ANK1: variants seen among roughly 807,000 people sequenced by gnomAD.
The protein encoded by ANK1 is ankyrin 1, also known as ankyrin-1.
In ANK1, 51 loss-of-function variants were observed where a neutral mutation model predicts 210.4. The ratio of observed to expected loss-of-function variants is 0.24; its 90% confidence interval spans 0.19 to 0.31. The LOEUF (loss-of-function observed/expected upper bound fraction) is 0.31, where lower values mean the gene tolerates loss of function less well. ANK1 is among the 10% of genes least tolerant of loss of function. The probability of loss-of-function intolerance (pLI) is 1.00; values close to 1 mark genes in which losing one functional copy is unlikely to be tolerated. For synonymous variants in ANK1, 967 were observed against 1,025.9 expected, an observed-to-expected ratio of 0.94 and a Z score of 1.10; for missense variants, 2,051 against 2,504.4, an observed-to-expected ratio of 0.82 and a Z score of 3.86.
chr8:41,730,195 C>G (rs1563593925), intron 3 of ANK1, among the ~76,000 whole-genome samples: 1 of 152,270 alleles, frequency 6.6e-6, no homozygotes, highest in East Asian at 1.9e-4. Flanking sequence ...AGCCGTGTGG[C>G]CCCCCAGCCG....
chr8:41,845,315 G>A (rs1809808625), intron 1 of ANK1, among the ~76,000 whole-genome samples: 1 of 151,874 alleles, frequency 6.6e-6, no homozygotes, highest in Admixed American at 6.6e-5. Flanking sequence ...AACCCACCTG[G>A]GAGGCAGAGG....
chr8:41,773,414 G>C (rs3886945), intron 1 of ANK1, among the ~76,000 whole-genome samples: 6 of 151,838 alleles, frequency 4.0e-5, no homozygotes, highest in Admixed American at 2.0e-4. Flanking sequence ...GGGAGGGAAG[G>C]GGGGAGGCAC....
At chr8:41,852,169 G>T (rs1236351970) in intron 1 of ANK1, among the ~76,000 whole-genome samples, 1 of 152,204 alleles carries the variant, frequency 6.6e-6, no homozygotes, top group Non-Finnish European at 1.5e-5. Context: ...GGGGTTCTGG[G>T]CCTTGGAGGG....
intron 1 of ANK1, among the ~76,000 whole-genome samples, chr8:41,809,266 G>T: frequency 6.6e-6 from 1 of 151,974 alleles, no homozygotes; most frequent in East Asian, 1.9e-4. Flanking sequence ...ATCCTTTGAG[G>T]ATCTGTAAAA....
At chr8:41,776,156 T>C (rs1418923502) in intron 1 of ANK1, among the ~76,000 whole-genome samples, 1 of 152,076 alleles carries the variant, frequency 6.6e-6, no homozygotes, top group East Asian at 1.9e-4. Flanking sequence ...TAAGGTATTT[T>C]TAGGGTAGAG....
chr8:41,735,878 C>T (rs779005043), intron 2 of ANK1, among the ~76,000 whole-genome samples: 3 of 152,294 alleles, frequency 2.0e-5, no homozygotes, highest in African/African-American at 4.8e-5. Flanking sequence ...GCAAAGGGAA[C>T]ATTACCTACC....
At chr8:41,844,263 A>G (rs565358383) in intron 1 of ANK1, among the ~76,000 whole-genome samples, 8 of 152,316 alleles carry the variant, frequency 5.3e-5, no homozygotes, top group Admixed American at 3.9e-4. Flanking sequence ...GGGGAAGTCT[A>G]TAGATGAACC....
In ANK1 at chr8:41,853,363, A is replaced by G. The variant is rs1811612231; in HGVS notation, c.126+42992T>C. ...TGAAATAAACTTTCAGAATTTCTGC[A>G]TCGCAAAGGCAAAAGAAGGAGGGAA... is the stretch of plus-strand genomic sequence containing the variant. On this transcript the variant is annotated intron_variant, in intron 1 of 42. Transcript: ENST00000265709. Among the ~76,000 whole-genome samples the G allele has an allele frequency of 3.9e-5, 6 of 152,248 alleles. No individual in the cohort carries two copies. The South Asian group carries it at 1.2e-3, about 31-fold the overall frequency.
In ANK1 at chr8:41,690,402, G is replaced by A; in HGVS notation, c.3985-56C>T. On this transcript the variant is annotated intron_variant, in intron 32 of 42. Transcript: ENST00000289734. The stretch of plus-strand genomic sequence containing the variant: ...GGGCCCTTTTCTAGGCCACCCGGCT[G>A]TCTGGTTTAGGGAATTCTGCCTCCC... The A allele has an allele frequency of 2.5e-6, 4 of 1,614,238 alleles. No homozygotes were observed. In the South Asian group the frequency reaches 3.3e-5, roughly 13 times the overall value.
rs551173844 is a variant in ANK1 at position 41,880,604 on chromosome 8, AG to A, written c.126+15750del. Among the ~76,000 whole-genome samples the A allele has an allele frequency of 2.5e-4, 38 of 152,352 alleles. No individual in the cohort carries two copies. In the South Asian group the frequency reaches 6.6e-3, roughly 27 times the overall value. On this transcript the variant is annotated intron_variant, in intron 1 of 42. Coordinates refer to the ANK1 transcript ENST00000265709. Reference sequence around the variant, plus strand: ...TGTGCCCCCAGGGCCAGTTCTTTGCAGGGGGGCTGGTGTGGGCATCCACCAA... The same window carrying A: ...TGTGCCCCCAGGGCCAGTTCTTTGCAGGGGGCTGGTGTGGGCATCCACCAA...
intron 24 of ANK1, among the ~76,000 whole-genome samples, chr8:41,697,063 C>T (rs545371664): frequency 2.8e-4 from 39 of 139,428 alleles, no homozygotes; most frequent in African/African-American, 9.0e-4. Context: ...GCCCCAGGCC[C>T]GCTGCACCTG....
Position 41,686,421 on chromosome 8 carries a change from G to C in ANK1, c.4259-138C>G. The stretch of plus-strand genomic sequence containing the variant: ...CAGGGAGCTCTGAGGCAGCCTCCCT[G>C]TGGGTTTGGTCTTCCTTCTTATCAA... On this transcript the variant is annotated intron_variant, in intron 35 of 42. Coordinates refer to ENST00000289734, the MANE Select transcript of ANK1 (RefSeq NM_000037.4). 3 of 1,070,400 alleles carry C rather than the reference G, an allele frequency of 2.8e-6. No individual in the cohort carries two copies. In the South Asian group the frequency reaches 3.8e-5, roughly 14 times the overall value. The allele number at this position is 1,070,400 out of a possible 1,614,324, so 66.3% of individuals were successfully genotyped here.
intron 9 of ANK1, among the ~76,000 whole-genome samples, chr8:41,720,587 G>C (rs1159945552): frequency 6.6e-6 from 1 of 152,174 alleles, no homozygotes; most frequent in Non-Finnish European, 1.5e-5. Flanking sequence ...AAACAGAAGA[G>C]AACAGACATA....
chr8:41,804,974 G>A (rs1360643962), intron 1 of ANK1, among the ~76,000 whole-genome samples: 3 of 152,074 alleles, frequency 2.0e-5, no homozygotes, highest in African/African-American at 7.2e-5. Flanking sequence ...TTAGAGAATA[G>A]TGTTGAATGG....
upstream of ANK1, among the ~76,000 whole-genome samples, chr8:41,800,394 A>G (rs1222232834): frequency 6.6e-6 from 1 of 152,188 alleles, no homozygotes; most frequent in African/African-American, 2.4e-5. Flanking sequence ...CCAGGTTTCT[A>G]CCCAAGCCAT....
At chr8:41,793,776 C>T (rs920718301) in intron 1 of ANK1, among the ~76,000 whole-genome samples, 1 of 152,184 alleles carries the variant, frequency 6.6e-6, no homozygotes, top group Non-Finnish European at 1.5e-5. Context: ...AATTCATATA[C>T]TACATATGAA....
chr8:41,786,408 T>A (rs1281473399), intron 1 of ANK1, among the ~76,000 whole-genome samples: 2 of 152,148 alleles, frequency 1.3e-5, no homozygotes, highest in African/African-American at 4.8e-5. Context: ...GGTAAAGAAA[T>A]AAACAAAATT....
chr8:41,805,802 C>A (rs953416321), intron 1 of ANK1, among the ~76,000 whole-genome samples: 1 of 152,172 alleles, frequency 6.6e-6, no homozygotes, highest in Non-Finnish European at 1.5e-5. Flanking sequence ...AAAACAGATA[C>A]GTTCCCATAT....
At chr8:41,845,385 TC>T (rs372165624) in intron 1 of ANK1, among the ~76,000 whole-genome samples, 360 of 130,934 alleles carry the variant, frequency 2.7e-3, no homozygotes, top group African/African-American at 0.012. Flanking sequence ...CAAGACTCCA[TC>T]CCAAAAAAAA....
Sources: allele counts gnomAD v4.1 joint callset (sites outside exome capture counted in the v4.1 genomes callset), GRCh38; gene constraint gnomAD v4.1.1; transcripts MANE v1.5; gene names NCBI Gene and HGNC (gene_info 2026-07-23, HGNC 2026-07-21).